Variants in CD96 observed in about 807,000 individuals in gnomAD.
CD96 encodes CD96 molecule.
CD96 carries 70 observed loss-of-function variants against 71.3 expected under a neutral mutation model. The observed-to-expected ratio is 0.98, with a 90% CI of 0.81 to 1.20. The LOEUF is 1.20. CD96 is among the 50% of genes most tolerant of loss of function. The pLI is 0.00. For synonymous variants in CD96, 248 were observed against 233.0 expected (o/e 1.06, Z -0.59); for missense variants, 742 against 677.5 (o/e 1.10, Z -1.06).
intron 5 of CD96, among the ~76,000 whole-genome samples, chr3:111,592,027 G>C (rs1322406108): frequency 1.3e-5 from 2 of 152,162 alleles, no homozygotes; most frequent in African/African-American, 2.4e-5. Context: ...CTATCTCTGA[G>C]ATAATGGGAT....
chr3:111,604,079 A>G (rs1330974872), intron 7 of CD96, among the ~76,000 whole-genome samples: 1 of 152,230 alleles, frequency 6.6e-6, no homozygotes, highest in Non-Finnish European at 1.5e-5. Flanking sequence ...GTCTATGGAC[A>G]ACATTTTGAG....
chr3:111,605,638 A>G (rs1248824961), intron 7 of CD96, among the ~76,000 whole-genome samples: 2 of 152,196 alleles, frequency 1.3e-5, no homozygotes, highest in African/African-American at 2.4e-5. Flanking sequence ...TTCATATAGT[A>G]GTGGATCAGA....
intron 8 of CD96, among the ~76,000 whole-genome samples, chr3:111,617,713 AT>A (rs1938313845): frequency 6.6e-6 from 1 of 152,146 alleles, no homozygotes; most frequent in African/African-American, 2.4e-5. Flanking sequence ...AGTTGTCAGC[AT>A]ACCTCGTTCT....
rs949778704 is a variant in CD96 at position 111,637,349 on chromosome 3, C to G, written c.1387+88C>G. The G allele has an allele frequency of 1.4e-5, 11 of 788,210 alleles. No homozygotes were observed. The Admixed American group carries it at 1.9e-4, about 14-fold the overall frequency. 48.8% of individuals were successfully genotyped at this position (788,210 alleles called of 1,614,324 possible). ...TGTAAAAACAAGAACTGATAAGAAG[C>G]CAGCCTCAGATAGATATATAAAAGT... On this transcript the variant is annotated intron_variant, in intron 11 of 13. Transcript: ENST00000352690.
At chr3:111,613,018 A>G (rs1391247053) in intron 8 of CD96, among the ~76,000 whole-genome samples, 1 of 152,108 alleles carries the variant, frequency 6.6e-6, no homozygotes, top group East Asian at 1.9e-4. Context: ...ATCCTGGGAA[A>G]TTCTGTTTAT....
At chr3:111,597,969 C>A in intron 5 of CD96, 151 bp from the exon 6 acceptor site, 1 of 645,798 alleles carries the variant, frequency 1.5e-6, no homozygotes, top group South Asian at 1.7e-5. Flanking sequence ...CGTTCTAACA[C>A]AACCTATATT....
intron 3 of CD96, among the ~76,000 whole-genome samples, chr3:111,570,288 G>A (rs904511823): frequency 1.3e-5 from 2 of 152,082 alleles, no homozygotes; most frequent in Non-Finnish European, 2.9e-5. Flanking sequence ...CAAATTATAG[G>A]TCTAGGGTCT....
At chr3:111,599,770 T>C (rs1002848513) in intron 6 of CD96, among the ~76,000 whole-genome samples, 2 of 152,182 alleles carry the variant, frequency 1.3e-5, no homozygotes, top group Non-Finnish European at 2.9e-5. Flanking sequence ...AAATAAGCCC[T>C]GCATAGGCAA....
At chr3:111,573,030 C>T (rs1248829373) in intron 3 of CD96, among the ~76,000 whole-genome samples, 1 of 152,130 alleles carries the variant, frequency 6.6e-6, no homozygotes, top group Non-Finnish European at 1.5e-5. Context: ...AAAGGGTTAA[C>T]TCTCTAATGG....
At chr3:111,584,944 T>A (rs1472260930) in intron 4 of CD96, among the ~76,000 whole-genome samples, 1 of 152,162 alleles carries the variant, frequency 6.6e-6, no homozygotes, top group Non-Finnish European at 1.5e-5. Flanking sequence ...GATAACCACA[T>A]CACATCTTCC....
intron 5 of CD96, among the ~76,000 whole-genome samples, chr3:111,591,670 G>A (rs915908767): frequency 6.6e-6 from 1 of 152,158 alleles, no homozygotes; most frequent in African/African-American, 2.4e-5. Flanking sequence ...GCACTGGTGA[G>A]CACCTGAGCT....
intron 6 of CD96, among the ~76,000 whole-genome samples, chr3:111,599,259 C>T (rs527576955): frequency 2.0e-5 from 3 of 152,220 alleles, no homozygotes; most frequent in Non-Finnish European, 2.9e-5. Flanking sequence ...TGAGCCACCG[C>T]GCCCAGCCCT....
Position 111,596,497 on chromosome 3 carries a change from C to T in CD96, c.808-1623C>T, listed in dbSNP as rs145776697. Reference sequence around the variant, plus strand: ...AGTTCTTCAGTGAGCCAGTTGCCTTCGTAAAATAATAACACCCCCACTTAC... The same window carrying T: ...AGTTCTTCAGTGAGCCAGTTGCCTTTGTAAAATAATAACACCCCCACTTAC... On this transcript the variant is annotated intron_variant, in intron 5 of 13. Coordinates refer to ENST00000352690, the MANE Select transcript of CD96 (RefSeq NM_005816.5). 4.2e-3 allele frequency among the ~76,000 whole-genome samples: 632 copies of T among 152,190 alleles called. 3 individuals are homozygous for T. Among genetic ancestry groups the T allele is most frequent in the Non-Finnish European group, 7.0e-3 (473 of 68,014 alleles).
chr3:111,576,069 A>T (rs1318324955), intron 3 of CD96, among the ~76,000 whole-genome samples: 1 of 152,236 alleles, frequency 6.6e-6, no homozygotes, highest in African/African-American at 2.4e-5. Context: ...ATTATTGAAC[A>T]TCTATTAAGT....
At chr3:111,640,018 C>T (rs977812858) in intron 12 of CD96, among the ~76,000 whole-genome samples, 1 of 152,174 alleles carries the variant, frequency 6.6e-6, no homozygotes, top group African/African-American at 2.4e-5. Context: ...ACAGAGGCTG[C>T]CCAAATGAGA....
intron 4 of CD96, among the ~76,000 whole-genome samples, chr3:111,583,246 G>T (rs1049732188): frequency 6.6e-6 from 1 of 152,116 alleles, no homozygotes; most frequent in African/African-American, 2.4e-5. Flanking sequence ...CTTGCATCTG[G>T]GTCACACAGA....
At chr3:111,646,945 C>G (rs1344700565) in intron 12 of CD96, among the ~76,000 whole-genome samples, 1 of 151,924 alleles carries the variant, frequency 6.6e-6, no homozygotes, top group Non-Finnish European at 1.5e-5. Context: ...GACCATTATC[C>G]TAAGCAAACT....
chr3:111,601,270 C>T lies in CD96; in HGVS notation c.1087+356C>T, dbSNP rs556852929. On this transcript the variant is annotated intron_variant, in intron 7 of 13. Coordinates refer to ENST00000352690, the MANE Select transcript of CD96 (RefSeq NM_005816.5). ...TGATGATCAAGAAAGATTTAAAAGA[C>T]CTAAAATTCCTTCTGCATCATTAGA... Among the ~76,000 whole-genome samples, 3 of 152,156 alleles carry T rather than the reference C, an allele frequency of 2.0e-5. No individual in the cohort carries two copies. The East Asian group carries it at 5.8e-4, about 29-fold the overall frequency.
At chr3:111,570,477 G>C (rs1357986518) in intron 3 of CD96, among the ~76,000 whole-genome samples, 1 of 152,106 alleles carries the variant, frequency 6.6e-6, no homozygotes, top group Non-Finnish European at 1.5e-5. Flanking sequence ...GGGCTCGTGG[G>C]TTAGGGGTCA....
Sources: allele counts gnomAD v4.1 joint callset (sites outside exome capture counted in the v4.1 genomes callset), GRCh38; gene constraint gnomAD v4.1.1; transcripts MANE v1.5; gene names NCBI Gene and HGNC (gene_info 2026-07-23, HGNC 2026-07-21).